Variants in ST7 observed in about 807,000 individuals in gnomAD.
ST7 encodes the protein suppression of tumorigenicity 7.
In ST7, 28 loss-of-function variants were observed where a neutral mutation model predicts 78.7. The ratio of observed to expected loss-of-function variants is 0.36; its 90% CI spans 0.26 to 0.49. The LOEUF (loss-of-function observed/expected upper bound fraction) is 0.49, where lower values mean the gene tolerates loss of function less well. Ranked by LOEUF, ST7 falls within the 20% of genes least tolerant of loss-of-function variation. The pLI is 0.99. For synonymous variants in ST7, 247 were observed against 249.6 expected, an observed-to-expected ratio of 0.99 and a Z score of 0.10; for missense variants, 418 against 696.0, an observed-to-expected ratio of 0.60 and a Z score of 4.49.
At chr7:117,161,100 GT>G (rs201045321) in intron 9 of ST7, among the ~76,000 whole-genome samples, 11,099 of 143,898 alleles carry the variant, frequency 0.077, 523 homozygotes, top group East Asian at 0.2. Flanking sequence ...GGACACTGTT[GT>G]TTTTTTTTTT....
chr7:117,065,709 C>G (rs536627029), intron 1 of ST7, among the ~76,000 whole-genome samples: 1 of 152,294 alleles, frequency 6.6e-6, no homozygotes, highest in Non-Finnish European at 1.5e-5. Context: ...ACAGCAGTGG[C>G]CTTCTGACTG....
Position 117,222,032 on chromosome 7 carries a change from C to T in ST7, c.1608C>T (p.Phe536=). Residue 536 remains phenylalanine (F), a synonymous_variant, in exon 15 of 16, where the codon TTC becomes TTT. Transcript: ENST00000323984. ...TAMLALLTHQ[F]PELMGVFAKA... ...TGCTGGCCCTCCTGACACATCAGTT[C>T]CCGGAACTTATGGGGGTCTTCGCAA... is the stretch of plus-strand genomic sequence containing the variant. 6.2e-7 allele frequency: 1 copy of T among 1,612,150 alleles called. No individual in the cohort carries two copies.
rs1262358839 is a variant in ST7, at chr7:117,099,063, AAAC to A, written c.152-696_152-694del. Among the ~76,000 whole-genome samples the A allele has an allele frequency of 3.2e-3, 444 of 139,766 alleles. 51 individuals carry two copies. Among genetic ancestry groups the A allele is most frequent in the African/African-American group, 0.011 (391 of 34,162 alleles). The allele number at this position is 139,766 out of a possible 152,430, so 91.7% of individuals were successfully genotyped here. On this transcript the variant is annotated intron_variant, in intron 1 of 15. Transcript: ENST00000323984. ...CACTTTCGCAAAAAAAAAAAAAAAA[AAAC>A]AAAAAAAAAAGAAGAAGAAGAAGGT... is the stretch of plus-strand genomic sequence containing the variant.
intron 1 of ST7, among the ~76,000 whole-genome samples, chr7:117,006,372 C>T (rs1203576698): frequency 1.3e-5 from 2 of 152,164 alleles, no homozygotes; most frequent in Non-Finnish European, 2.9e-5. Context: ...ATGGTTTGTA[C>T]CCTTTCTTAG....
intron 1 of ST7, among the ~76,000 whole-genome samples, chr7:117,074,106 C>G (rs897805932): frequency 6.6e-6 from 1 of 152,110 alleles, no homozygotes; most frequent in Non-Finnish European, 1.5e-5. Context: ...TACAGTTAAT[C>G]TAGGCTGGGC....
chr7:116,985,192 G>A (rs1035299230), intron 1 of ST7, among the ~76,000 whole-genome samples: 1 of 152,140 alleles, frequency 6.6e-6, no homozygotes, highest in African/African-American at 2.4e-5. Context: ...AAATTTAAAA[G>A]TTTGGATCAC....
intron 1 of ST7, among the ~76,000 whole-genome samples, chr7:116,973,091 C>T (rs145529766): frequency 6.6e-6 from 1 of 152,098 alleles, no homozygotes; most frequent in Non-Finnish European, 1.5e-5. Flanking sequence ...TCATTGTTCA[C>T]ATTTTTCCAG....
intron 1 of ST7, among the ~76,000 whole-genome samples, chr7:117,043,225 A>G (rs1797322055): frequency 6.6e-6 from 1 of 152,202 alleles, no homozygotes; most frequent in Non-Finnish European, 1.5e-5. Context: ...AGGAAAATGT[A>G]TTCAGTCTTA....
intron 1 of ST7, among the ~76,000 whole-genome samples, chr7:116,984,457 G>A (rs991078906): frequency 6.6e-5 from 10 of 152,028 alleles, no homozygotes; most frequent in South Asian, 2.1e-4. Context: ...TGTTGGGGTC[G>A]GTTACGTGTG....
At chr7:117,075,711 C>T (rs533580270) in intron 1 of ST7, among the ~76,000 whole-genome samples, 15 of 152,288 alleles carry the variant, frequency 9.8e-5, no homozygotes, top group African/African-American at 1.4e-4. Flanking sequence ...ACAGTTGCTT[C>T]GTAAATTGCA....
intron 10 of ST7, among the ~76,000 whole-genome samples, chr7:117,178,809 T>C (rs1385596525): frequency 6.6e-6 from 1 of 152,224 alleles, no homozygotes; most frequent in African/African-American, 2.4e-5. Context: ...TTGACAGTTT[T>C]ACTCATAATT....
intron 13 of ST7, among the ~76,000 whole-genome samples, chr7:117,211,728 A>G (rs1792312149): frequency 6.6e-6 from 1 of 152,188 alleles, no homozygotes; most frequent in Non-Finnish European, 1.5e-5. Flanking sequence ...GAGTAACTGG[A>G]AACTCTCTTT....
At chr7:116,953,836 C>A in intron 1 of ST7, 145 bp downstream of exon 1, 1 of 431,548 alleles carries the variant, frequency 2.3e-6, no homozygotes, top group Non-Finnish European at 3.1e-6. Flanking sequence ...CCGCCAGCAA[C>A]GCGGCGGCTT....
At chr7:117,215,549 A>G (rs1792625186) in intron 13 of ST7, among the ~76,000 whole-genome samples, 1 of 152,146 alleles carries the variant, frequency 6.6e-6, no homozygotes, top group South Asian at 2.1e-4. Flanking sequence ...CAGCCTTTTG[A>G]GGCCTGTGGT....
chr7:117,067,464 G>A (rs551070828), intron 1 of ST7, among the ~76,000 whole-genome samples: 60 of 152,232 alleles, frequency 3.9e-4, no homozygotes, highest in African/African-American at 1.4e-3. Flanking sequence ...ACAAGGAAAA[G>A]TAGGGGTTTT....
chr7:116,956,756 T>A (rs184172797), intron 1 of ST7: 114 of 425,944 alleles, frequency 2.7e-4, no homozygotes, highest in African/African-American at 1.4e-3. Flanking sequence ...TTTTTTAATT[T>A]AGATGCCTCC....
intron 2 of ST7, among the ~76,000 whole-genome samples, chr7:117,101,083 AGGACAGAAACC>A (rs763788580): frequency 8.5e-5 from 13 of 152,174 alleles, no homozygotes; most frequent in Non-Finnish European, 1.6e-4. Flanking sequence ...AAATGTATGG[AGGACAGAAACC>A]TGCAAACAGA....
chr7:117,038,336 AT>A (rs1424513850), intron 1 of ST7, among the ~76,000 whole-genome samples: 2 of 152,204 alleles, frequency 1.3e-5, no homozygotes, highest in African/African-American at 4.8e-5. Flanking sequence ...GGTGAGAGCT[AT>A]TTTTTAGAAC....
chr7:117,009,259 T>C (rs1033776307), intron 1 of ST7, among the ~76,000 whole-genome samples: 3 of 17,040 alleles, frequency 1.8e-4, no homozygotes, highest in Non-Finnish European at 2.9e-4. Context: ...TTTTTTTTGT[T>C]TTTTTTTTTT....
Sources: gnomAD v4.1 joint callset for allele counts (sites outside exome capture counted in the v4.1 genomes callset) on GRCh38, gnomAD v4.1.1 for gene constraint, MANE v1.5 for transcripts, NCBI Gene and HGNC (gene_info 2026-07-23, HGNC 2026-07-21) for gene names.